Variants in C6orf132 observed in about 807,000 individuals in gnomAD.
C6orf132 encodes the protein chromosome 6 open reading frame 132, also known as uncharacterized protein C6orf132.
In C6orf132, 43 loss-of-function variants were observed where a neutral mutation model predicts 65.3. That is an observed-to-expected ratio of 0.66 (90% CI 0.52 to 0.85). The LOEUF (loss-of-function observed/expected upper bound fraction) is 0.85. Ranked by LOEUF, C6orf132 falls within the 40% of genes least tolerant of loss-of-function variation. C6orf132 has a pLI of 0.00. For synonymous variants in C6orf132, 631 were observed against 654.1 expected, an observed-to-expected ratio of 0.96 and a Z score of 0.54; for missense variants, 1,488 against 1,548.8, an observed-to-expected ratio of 0.96 and a Z score of 0.66.
chr6:42,125,194 T>C (rs1766745589), intron 2 of C6orf132, among the ~76,000 whole-genome samples: 1 of 152,092 alleles, frequency 6.6e-6, no homozygotes, highest in Admixed American at 6.5e-5. Flanking sequence ...AAAGCTTCTA[T>C]GTAGCAGGTG....
chr6:42,115,302 A>G (rs1270248213), intron 2 of C6orf132, among the ~76,000 whole-genome samples: 3 of 146,634 alleles, frequency 2.0e-5, no homozygotes, highest in Admixed American at 6.8e-5. Flanking sequence ...AAAAAAAAAA[A>G]AAAAGAAAAG....
At chr6:42,125,541 T>C (rs1766751336) in intron 2 of C6orf132, among the ~76,000 whole-genome samples, 1 of 152,202 alleles carries the variant, frequency 6.6e-6, no homozygotes, top group Non-Finnish European at 1.5e-5. Flanking sequence ...AACTTCCCCT[T>C]CCTGGTTCAG....
At chr6:42,139,157 T>C (rs906702754) in intron 1 of C6orf132, among the ~76,000 whole-genome samples, 1 of 152,182 alleles carries the variant, frequency 6.6e-6, no homozygotes, top group Non-Finnish European at 1.5e-5. Flanking sequence ...TTTCCTCCCT[T>C]CCATTCCACC....
Position 42,106,102 on chromosome 6 carries a change from C to T in C6orf132, c.1810G>A (p.Gly604Arg), listed in dbSNP as rs1437607550. 6.5e-7 allele frequency: 1 copy of T among 1,537,098 alleles called. No homozygotes were observed. Among genetic ancestry groups the T allele is most frequent in the African/African-American group, 1.4e-5 (1 of 73,024 alleles). Residue 604 changes from glycine (G) to arginine (R), a missense_variant, in exon 4 of 5, where the codon GGG (glycine) becomes AGG (arginine). By Grantham distance (125) the Gly-to-Arg change is moderately radical. Coordinates refer to ENST00000341865, the MANE Select transcript of C6orf132 (RefSeq NM_001164446.3). ...RLEGGRICEN[G>R]ADDDKLSKPV... is the part of the protein sequence containing the mutation. ...TTGGAGAGTTTGTCATCATCAGCCC[C>T]GTTTTCACAAATTCTTCCCCCTTCT...
At chr6:42,113,856 G>C (rs142809025) in intron 2 of C6orf132, among the ~76,000 whole-genome samples, 10 of 152,050 alleles carry the variant, frequency 6.6e-5, no homozygotes, top group Admixed American at 2.0e-4. Flanking sequence ...AAAGAAAATT[G>C]AGCCAATAGT....
rs1766376218 is a variant in C6orf132, at chr6:42,105,277, A to C, written c.2635T>G (p.Ser879Ala). The stretch of plus-strand genomic sequence containing the variant: ...CCCTGGCTGTGGAAGATGCTGTCAG[A>C]GCTGGCCTCGGCTTGGTGGCTGTGG... ...RDHSHQAEAS[S>A]DSIFHSQGTP... Residue 879 changes from serine to alanine, a missense_variant, in exon 4 of 5, where the codon TCT (serine) becomes GCT (alanine). Coordinates refer to ENST00000341865, the MANE Select transcript of C6orf132 (RefSeq NM_001164446.3). 6.5e-7 allele frequency: 1 copy of C among 1,537,166 alleles called. No homozygotes were observed. Among genetic ancestry groups the C allele is most frequent in the Non-Finnish European group, 8.7e-7 (1 of 1,146,886 alleles).
chr6:42,142,286 C>A lies in C6orf132; in HGVS notation c.145+14G>T, dbSNP rs1353103134. The stretch of plus-strand genomic sequence containing the variant: ...CGTCCCCGCCCCAGCGCCCTCCGTC[C>A]CCGGAGTACTCACCGAAGCCCCCGG... On this transcript the variant is annotated intron_variant, in intron 1 of 4. Transcript: ENST00000341865. 1 of 1,548,430 alleles carries A rather than the reference C, an allele frequency of 6.5e-7. No homozygotes were observed. Among genetic ancestry groups the A allele is most frequent in the Admixed American group, 2.0e-5 (1 of 50,904 alleles).
rs1000322711 is a variant in C6orf132 at position 42,104,675 on chromosome 6, G to A, written c.3237C>T (p.His1079=). ...GEPHRGPGLP[H]GGTGRSLSSP... Reference sequence around the variant, plus strand: ...AGCTCAGGCTGCGGCCGGTGCCACCGTGGGGTAGCCCTGGGCCTCGGTGCG... The same window carrying A: ...AGCTCAGGCTGCGGCCGGTGCCACCATGGGGTAGCCCTGGGCCTCGGTGCG... Residue 1079 remains histidine, a synonymous_variant, in exon 4 of 5, where the codon CAC becomes CAT. Transcript: ENST00000341865. The surrounding 1 kb of genome is among the most constrained non-coding windows in gnomAD (Gnocchi z 4.1). 7 of 1,504,198 alleles carry A rather than the reference G, an allele frequency of 4.7e-6. No individual in the cohort carries two copies. In the African/African-American group the frequency reaches 5.7e-5, roughly 12 times the overall value. 93.2% of individuals were successfully genotyped at this position (1,504,198 alleles called of 1,614,324 possible). A position where few individuals can be genotyped will look rare whatever the true frequency, so the allele number is the denominator to read the frequency against.
intron 1 of C6orf132, among the ~76,000 whole-genome samples, chr6:42,140,140 T>C (rs913373432): frequency 1.3e-5 from 2 of 152,242 alleles, no homozygotes; most frequent in Admixed American, 1.3e-4. Context: ...TGGCTCCTTG[T>C]GCAGGCAAGA....
chr6:42,106,391 G>A lies in C6orf132; in HGVS notation c.1521C>T (p.Pro507=). 6.5e-7 allele frequency: 1 copy of A among 1,536,148 alleles called. No individual in the cohort carries two copies. The highest frequency in any genetic ancestry group is 8.7e-7 in the Non-Finnish European group (1 of 1,146,856). The part of the protein sequence containing the change: ...APQSKEGKKG[P]RLPEKETLLS... ...GGAGAGTCTCCTTCTCAGGCAGGCG[G>A]GGGCCCTTCTTGCCCTCCTTGCTCT... The change falls in exon 4 of 5, where the codon CCC becomes CCT. Residue 507 remains proline, a synonymous_variant. Transcript: ENST00000341865.
chr6:42,126,510 G>A (rs1488307432), intron 2 of C6orf132: 1 of 163,496 alleles, frequency 6.1e-6, no homozygotes, highest in Non-Finnish European at 1.3e-5. Flanking sequence ...GTGTGCTGAG[G>A]GTAAGTGATA....
intron 2 of C6orf132, among the ~76,000 whole-genome samples, chr6:42,123,052 G>A (rs9369339): frequency 0.31 from 46,615 of 152,084 alleles, 7,847 homozygotes; most frequent in African/African-American, 0.42. Context: ...ACACAACCTT[G>A]CTGCCACCCA....
At position 42,104,822 on chromosome 6, in the gene C6orf132, C is replaced by A; in HGVS notation, c.3090G>T (p.Ala1030=). Residue 1030 remains alanine, a synonymous_variant, in exon 4 of 5, where the codon GCG becomes GCT. Coordinates refer to ENST00000341865, the MANE Select transcript of C6orf132 (RefSeq NM_001164446.3). The surrounding 1 kb of genome is among the most constrained non-coding windows in gnomAD (Gnocchi z 4.1). ...AGCGCGAGAAGCCGAGAGCCGGGGG[C>A]GCCCCGGGGCCAGCGTTCGGGAGCT... The part of the protein sequence containing the change: ...LRQLPNAGPG[A]PPALGFSRFP... The A allele has an allele frequency of 1.4e-6, 2 of 1,463,696 alleles. No homozygotes were observed. The highest frequency in any genetic ancestry group is 9.0e-7 in the Non-Finnish European group (1 of 1,114,808). The allele number at this position is 1,463,696 out of a possible 1,614,324, so 90.7% of individuals were successfully genotyped here. A position where few individuals can be genotyped will look rare whatever the true frequency, so the allele number is the denominator to read the frequency against.
intron 2 of C6orf132, among the ~76,000 whole-genome samples, chr6:42,115,909 TTTTTTC>T (rs1562036333): frequency 1.3e-5 from 2 of 149,222 alleles, no homozygotes; most frequent in Admixed American, 6.7e-5. Flanking sequence ...TTCTTTTTTT[TTTTTTC>T]TTTTTTCTTT....
chr6:42,128,023 C>T (rs1237295872), intron 2 of C6orf132, among the ~76,000 whole-genome samples: 3 of 150,852 alleles, frequency 2.0e-5, no homozygotes, highest in South Asian at 2.1e-4. Flanking sequence ...CTCCTGGGTT[C>T]ATGCCATTCT....
chr6:42,138,065 C>T (rs534980746), intron 1 of C6orf132, among the ~76,000 whole-genome samples: 1 of 152,224 alleles, frequency 6.6e-6, no homozygotes, highest in South Asian at 2.1e-4. Flanking sequence ...CTCAAAAAAC[C>T]CCCAGAGCCC....
At chr6:42,113,964 T>C (rs1766530287) in intron 2 of C6orf132, among the ~76,000 whole-genome samples, 1 of 152,144 alleles carries the variant, frequency 6.6e-6, no homozygotes, top group Admixed American at 6.5e-5. Context: ...AATCCTCTAT[T>C]CCAGAAAAGT....
intron 2 of C6orf132, among the ~76,000 whole-genome samples, chr6:42,116,132 G>A (rs1349525339): frequency 6.6e-6 from 1 of 151,552 alleles, no homozygotes; most frequent in Non-Finnish European, 1.5e-5. Context: ...GTTTCACTAT[G>A]TTGGCCAGGC....
At chr6:42,118,945 C>A (rs1766632111) in intron 2 of C6orf132, among the ~76,000 whole-genome samples, 3 of 142,378 alleles carry the variant, frequency 2.1e-5, no homozygotes, top group African/African-American at 7.9e-5. Flanking sequence ...AAGATCATAG[C>A]TCACCGCAGC....
Sources: allele counts gnomAD v4.1 joint callset (sites outside exome capture counted in the v4.1 genomes callset), GRCh38; gene constraint gnomAD v4.1.1; non-coding constraint Gnocchi (gnomAD v3.1); transcripts MANE v1.5; gene names NCBI Gene and HGNC (gene_info 2026-07-23, HGNC 2026-07-21).